THSD4: variants seen among roughly 807,000 people sequenced by gnomAD.
The protein encoded by THSD4 is thrombospondin type 1 domain containing 4.
Under a neutral mutation model 119.0 loss-of-function variants are expected in THSD4, and 69 were observed. The ratio of observed to expected loss-of-function variants is 0.58; its 90% CI spans 0.48 to 0.71. The LOEUF is 0.71. Ranked by LOEUF, THSD4 falls within the 30% of genes least tolerant of loss-of-function variation. The probability of loss-of-function intolerance (pLI) is 0.00; values close to 1 mark genes in which losing one functional copy is unlikely to be tolerated. For synonymous variants in THSD4, 524 were observed against 540.4 expected, an observed-to-expected ratio of 0.97 and a Z score of 0.42; for missense variants, 1,393 against 1,391.1, an observed-to-expected ratio of 1.00 and a Z score of -0.02.
At chr15:71,195,438 G>C (rs1340293505) in intron 3 of THSD4, among the ~76,000 whole-genome samples, 3 of 152,328 alleles carry the variant, frequency 2.0e-5, no homozygotes, top group African/African-American at 7.2e-5. Context: ...CACTAGAAGG[G>C]TGTAGTGGGA....
chr15:71,511,027 T>C (rs1235050708), intron 7 of THSD4, among the ~76,000 whole-genome samples: 1 of 115,582 alleles, frequency 8.7e-6, no homozygotes, highest in Admixed American at 8.7e-5. Flanking sequence ...TTATGTTTGG[T>C]GATGTGATAA....
intron 5 of THSD4, among the ~76,000 whole-genome samples, chr15:71,250,801 T>A (rs1307113701): frequency 6.6e-6 from 1 of 152,138 alleles, no homozygotes; most frequent in Non-Finnish European, 1.5e-5. Flanking sequence ...AAATCTATGA[T>A]TGGCCTGGGT....
intron 7 of THSD4, among the ~76,000 whole-genome samples, chr15:71,428,631 T>C (rs2046904747): frequency 6.6e-6 from 1 of 152,174 alleles, no homozygotes; most frequent in Non-Finnish European, 1.5e-5. Context: ...AGAAAAGACT[T>C]AGAAAAATAG....
intron 5 of THSD4, among the ~76,000 whole-genome samples, chr15:71,248,699 C>T (rs1285278752): frequency 6.6e-6 from 1 of 151,770 alleles, no homozygotes; most frequent in Non-Finnish European, 1.5e-5. Context: ...GTTGTTTCTG[C>T]CCCAGAGTAA....
At chr15:71,135,411 A>C (rs2040542287) in intron 1 of THSD4, among the ~76,000 whole-genome samples, 1 of 149,502 alleles carries the variant, frequency 6.7e-6, no homozygotes, top group Admixed American at 6.6e-5. Context: ...AAAAAAAAGA[A>C]GAAGCTTCCC....
chr15:71,701,368 A>G (rs1189351071), intron 8 of THSD4, among the ~76,000 whole-genome samples: 4 of 152,174 alleles, frequency 2.6e-5, no homozygotes, highest in Non-Finnish European at 5.9e-5. Context: ...AAAATATAAT[A>G]TGGGGTAGGG....
At chr15:71,136,708 G>A (rs1375643136) in intron 1 of THSD4, among the ~76,000 whole-genome samples, 1 of 152,106 alleles carries the variant, frequency 6.6e-6, no homozygotes, top group East Asian at 1.9e-4. Context: ...CTGCAGTGGG[G>A]CCTTCCTGAA....
chr15:71,232,330 G>A (rs2044067945), intron 4 of THSD4, among the ~76,000 whole-genome samples: 1 of 152,108 alleles, frequency 6.6e-6, no homozygotes, highest in African/African-American at 2.4e-5. Context: ...GCTGAGCAAC[G>A]AGGCTCTGGG....
At chr15:71,615,239 C>G (rs192568255) in intron 7 of THSD4, among the ~76,000 whole-genome samples, 2 of 152,278 alleles carry the variant, frequency 1.3e-5, no homozygotes, top group Middle Eastern at 3.4e-3. Context: ...TTCTGTGATG[C>G]ATGGAATCTC....
chr15:71,329,563 G>C (rs2045395247), intron 6 of THSD4, among the ~76,000 whole-genome samples: 1 of 152,210 alleles, frequency 6.6e-6, no homozygotes, highest in South Asian at 2.1e-4. Flanking sequence ...GTGGAAAGGA[G>C]AGGACGGAGT....
intron 6 of THSD4, among the ~76,000 whole-genome samples, chr15:71,320,951 A>G (rs1470903190): frequency 2.0e-5 from 3 of 152,188 alleles, no homozygotes; most frequent in Non-Finnish European, 4.4e-5. Flanking sequence ...CTTTTTATCC[A>G]TGGAAAGTGA....
chr15:71,405,780 G>A (rs1372612840), intron 6 of THSD4, among the ~76,000 whole-genome samples: 1 of 152,140 alleles, frequency 6.6e-6, no homozygotes, highest in African/African-American at 2.4e-5. Context: ...CCAAGAAAAT[G>A]TGATATCTTT....
At chr15:71,244,277 A>G (rs1331018576) in intron 5 of THSD4, among the ~76,000 whole-genome samples, 1 of 152,186 alleles carries the variant, frequency 6.6e-6, no homozygotes, top group Non-Finnish European at 1.5e-5. Flanking sequence ...CAGTTTAAAG[A>G]CTGCGTATTA....
At chr15:71,394,737 C>A (rs2046423855) in intron 6 of THSD4, among the ~76,000 whole-genome samples, 1 of 152,208 alleles carries the variant, frequency 6.6e-6, no homozygotes, top group Admixed American at 6.5e-5. Flanking sequence ...TTCCTGATAC[C>A]CTGGACTAAG....
chr15:71,555,652 C>A (rs2049005190), intron 7 of THSD4, among the ~76,000 whole-genome samples: 2 of 152,032 alleles, frequency 1.3e-5, no homozygotes, highest in African/African-American at 2.4e-5. Flanking sequence ...TGAATGTATC[C>A]ATTTTATTTC....
At chr15:71,399,822 A>G (rs2046501921) in intron 6 of THSD4, among the ~76,000 whole-genome samples, 1 of 152,184 alleles carries the variant, frequency 6.6e-6, no homozygotes, top group Non-Finnish European at 1.5e-5. Context: ...TGTTTTAATA[A>G]AAGACCCCCA....
chr15:71,612,395 T>C (rs1010484370), intron 7 of THSD4, among the ~76,000 whole-genome samples: 15 of 152,160 alleles, frequency 9.9e-5, no homozygotes, highest in African/African-American at 3.6e-4. Flanking sequence ...TGAAAATAAA[T>C]ATTTCATAGA....
intron 4 of THSD4, among the ~76,000 whole-genome samples, chr15:71,228,508 C>T (rs937544482): frequency 6.6e-6 from 1 of 152,210 alleles, no homozygotes; most frequent in African/African-American, 2.4e-5. Flanking sequence ...GTTACAGCAG[C>T]TACAGAAACT....
At chr15:71,485,378 A>G (rs773245533) in intron 7 of THSD4, among the ~76,000 whole-genome samples, 4 of 152,104 alleles carry the variant, frequency 2.6e-5, no homozygotes, top group African/African-American at 9.7e-5. Context: ...CCCCCTAAAG[A>G]ATTTTTCTGT....
Sources: allele counts gnomAD v4.1 joint callset (sites outside exome capture counted in the v4.1 genomes callset), GRCh38; gene constraint gnomAD v4.1.1; transcripts MANE v1.5; gene names NCBI Gene and HGNC (gene_info 2026-07-23, HGNC 2026-07-21).